LRRIQ3: variants seen among roughly 807,000 people sequenced by gnomAD.
The protein encoded by LRRIQ3 is leucine rich repeats and IQ motif containing 3, also known as leucine-rich repeat and IQ domain-containing protein 3.
Under a neutral mutation model 59.3 loss-of-function variants are expected in LRRIQ3, and 75 were observed. The ratio of observed to expected loss-of-function variants is 1.26; its 90% CI spans 1.05 to 1.53. The LOEUF is 1.53. Ranked by LOEUF, LRRIQ3 falls within the 40% of genes most tolerant of loss-of-function variation. The pLI is 0.00. For synonymous variants in LRRIQ3, 250 were observed against 231.3 expected (o/e 1.08, Z -0.73); for missense variants, 831 against 710.0 (o/e 1.17, Z -1.94).
At chr1:74,146,141 C>A (rs1570205659) in intron 4 of LRRIQ3, among the ~76,000 whole-genome samples, 1 of 152,140 alleles carries the variant, frequency 6.6e-6, no homozygotes, top group African/African-American at 2.4e-5. Context: ...GGCTATATAA[C>A]CTAAGTTTGT....
At chr1:74,092,271 C>G (rs928094603) in intron 5 of LRRIQ3, among the ~76,000 whole-genome samples, 2 of 152,096 alleles carry the variant, frequency 1.3e-5, no homozygotes, top group Non-Finnish European at 2.9e-5. Context: ...CAGTCCTAGA[C>G]TGTATACCTC....
intron 3 of LRRIQ3, chr1:74,180,328 T>C (rs887645437): frequency 1.8e-5 from 3 of 163,342 alleles, no homozygotes; most frequent in Non-Finnish European, 4.0e-5. Flanking sequence ...TTTTCAGCCT[T>C]TATTGATCCC....
chr1:74,047,362 T>A (rs1306466930), intron 6 of LRRIQ3, among the ~76,000 whole-genome samples: 1 of 152,122 alleles, frequency 6.6e-6, no homozygotes, highest in African/African-American at 2.4e-5. Context: ...AAACACCACA[T>A]GTTCTCACTC....
At chr1:74,038,310 C>T (rs932604984) in intron 7 of LRRIQ3, among the ~76,000 whole-genome samples, 1 of 152,154 alleles carries the variant, frequency 6.6e-6, no homozygotes, top group African/African-American at 2.4e-5. Flanking sequence ...GAAGCCTGAT[C>T]TCCCTGGGCC....
At chr1:74,044,954 T>C (rs1313184919) in intron 6 of LRRIQ3, among the ~76,000 whole-genome samples, 3 of 152,096 alleles carry the variant, frequency 2.0e-5, no homozygotes, top group Non-Finnish European at 4.4e-5. Context: ...AGTTCTGAAA[T>C]TGAGGCAGTA....
intron 7 of LRRIQ3, among the ~76,000 whole-genome samples, chr1:74,028,294 T>C (rs1455840730): frequency 1.3e-5 from 2 of 152,058 alleles, no homozygotes; most frequent in African/African-American, 4.8e-5. Context: ...CTAAAAAGCC[T>C]GCAGCTTATT....
At position 74,149,698 on chromosome 1, in the gene LRRIQ3, T is replaced by G. The variant is rs1383270958; in HGVS notation, c.707+6035A>C. Among the ~76,000 whole-genome samples the G allele has an allele frequency of 3.3e-5, 5 of 152,226 alleles. No homozygotes were observed. The South Asian group carries it at 8.3e-4, about 25-fold the overall frequency. ...CTACTTTTCTTATTCCCCTTTACTCTGTTTGGGTATAACTTCTGCTATTTT... is the reference window on the plus strand; with the variant it reads ...CTACTTTTCTTATTCCCCTTTACTCGGTTTGGGTATAACTTCTGCTATTTT... On this transcript the variant is annotated intron_variant, in intron 4 of 7. Transcript: ENST00000354431.
intron 6 of LRRIQ3, among the ~76,000 whole-genome samples, chr1:74,073,494 G>A (rs1655086869): frequency 6.6e-6 from 1 of 150,880 alleles, no homozygotes; most frequent in African/African-American, 2.4e-5. Context: ...TTAGGTGACA[G>A]AGTGAGACTG....
intron 4 of LRRIQ3, among the ~76,000 whole-genome samples, chr1:74,124,953 A>G (rs1001346175): frequency 3.9e-5 from 6 of 151,976 alleles, no homozygotes. Flanking sequence ...TTTGAGTAGT[A>G]TGGACATTTT....
chr1:74,182,456 T>A, intron 3 of LRRIQ3, 82 bp downstream of exon 3: 3 of 737,950 alleles, frequency 4.1e-6, no homozygotes, highest in Middle Eastern at 3.8e-4. Context: ...AAAAAGTTTA[T>A]ATAATTTAGA....
intron 6 of LRRIQ3, among the ~76,000 whole-genome samples, chr1:74,065,061 T>C (rs947057190): frequency 1.4e-4 from 22 of 152,122 alleles, no homozygotes; most frequent in African/African-American, 4.8e-4. Context: ...TACATTTGGC[T>C]ACTTAATATT....
chr1:74,046,677 G>A lies in LRRIQ3; in HGVS notation c.998-4744C>T, dbSNP rs1654213803. Among the ~76,000 whole-genome samples, 9 of 152,216 alleles carry A rather than the reference G, an allele frequency of 5.9e-5. No homozygotes were observed. The South Asian group carries it at 1.9e-3, about 32-fold the overall frequency. The stretch of plus-strand genomic sequence containing the variant: ...TGAACAGGCAACCTATAGAATGGGA[G>A]AAAAATTTTGCAATCTGTCCATCTG... On this transcript the variant is annotated intron_variant, in intron 6 of 7. Transcript: ENST00000354431.
intron 4 of LRRIQ3, among the ~76,000 whole-genome samples, chr1:74,118,767 T>C (rs1399732633): frequency 6.6e-6 from 1 of 152,108 alleles, no homozygotes; most frequent in African/African-American, 2.4e-5. Context: ...CTGGCAAGTC[T>C]GAAATCTGTA....
chr1:74,088,124 A>T (rs180798002), intron 5 of LRRIQ3, among the ~76,000 whole-genome samples: 6 of 152,044 alleles, frequency 3.9e-5, no homozygotes, highest in African/African-American at 1.4e-4. Context: ...ACAAAAAAAA[A>T]CAATTGTCTC....
At chr1:74,031,895 A>G (rs1257693941) in intron 7 of LRRIQ3, among the ~76,000 whole-genome samples, 1 of 152,140 alleles carries the variant, frequency 6.6e-6, no homozygotes, top group African/African-American at 2.4e-5. Flanking sequence ...TGACCAGAAA[A>G]GCATAAAATA....
intron 3 of LRRIQ3, among the ~76,000 whole-genome samples, chr1:74,171,228 G>GA (rs1045949745): frequency 2.6e-5 from 4 of 151,632 alleles, no homozygotes; most frequent in African/African-American, 4.8e-5. Context: ...CATATCTTAG[G>GA]AAAAAAAACT....
intron 4 of LRRIQ3, among the ~76,000 whole-genome samples, chr1:74,136,474 C>T (rs1019009687): frequency 3.3e-5 from 5 of 151,930 alleles, no homozygotes; most frequent in Admixed American, 1.3e-4. Flanking sequence ...TCTCTGGAAC[C>T]CTACTAAGCA....
intron 5 of LRRIQ3, among the ~76,000 whole-genome samples, chr1:74,105,042 A>G (rs963720598): frequency 2.0e-4 from 30 of 152,084 alleles, no homozygotes; most frequent in Admixed American, 1.1e-3. Flanking sequence ...CAATATTTCT[A>G]TATTTATGTT....
intron 5 of LRRIQ3, among the ~76,000 whole-genome samples, chr1:74,098,894 C>T (rs2100535494): frequency 6.6e-6 from 1 of 152,260 alleles, no homozygotes; most frequent in South Asian, 2.1e-4. Context: ...CTCTGGGACA[C>T]ATTTAAAGCA....
Sources: gnomAD v4.1 joint callset for allele counts (sites outside exome capture counted in the v4.1 genomes callset) on GRCh38, gnomAD v4.1.1 for gene constraint, MANE v1.5 for transcripts, NCBI Gene and HGNC (gene_info 2026-07-23, HGNC 2026-07-21) for gene names.